The following SZT2 variants were observed in gnomAD, a reference collection of about 807,000 sequenced individuals.
SZT2 encodes SZT2 subunit of KICSTOR complex.
A neutral mutation model predicts 404.2 loss-of-function variants in SZT2; 216 were observed. The observed-to-expected ratio is 0.53, with a 90% CI of 0.48 to 0.60. SZT2 has a LOEUF of 0.60. Ranked by LOEUF, SZT2 falls within the 20% of genes least tolerant of loss-of-function variation. The pLI, the probability that SZT2 is intolerant of heterozygous loss-of-function variation, is 0.00. For synonymous variants in SZT2, 1,693 were observed against 1,749.9 expected, an observed-to-expected ratio of 0.97 and a Z score of 0.81; for missense variants, 3,857 against 4,459.2, an observed-to-expected ratio of 0.86 and a Z score of 3.85.
Position 43,447,585 on chromosome 1 carries a change from G to A in SZT2, c.9327G>A (p.Gln3109=). 1 of 1,614,150 alleles carries A rather than the reference G, an allele frequency of 6.2e-7. No homozygotes were observed. Among genetic ancestry groups the A allele is most frequent in the Non-Finnish European group, 8.5e-7 (1 of 1,180,030 alleles). The stretch of plus-strand genomic sequence containing the variant: ...CCACACCACTCATTGCTGCCCACCA[G>A]CTATACAACTACGTGGCTGATCACG... ...ELPTPLIAAH[Q]LYNYVADHAS... Residue 3109 remains glutamine, a synonymous_variant, in exon 67 of 72, where the codon CAG becomes CAA. Coordinates refer to ENST00000634258, the MANE Select transcript of SZT2 (RefSeq NM_001365999.1).
chr1:43,398,493 A>G (rs373402023), intron 1 of SZT2, among the ~76,000 whole-genome samples: 2 of 152,206 alleles, frequency 1.3e-5, no homozygotes, highest in Non-Finnish European at 2.9e-5. Flanking sequence ...TCTCTTGTAC[A>G]TGCTTTTTTA....
intron 4 of SZT2, 29 bp downstream of exon 4, chr1:43,404,579 C>A: frequency 6.3e-7 from 1 of 1,597,028 alleles, no homozygotes; most frequent in South Asian, 1.1e-5. Context: ...AAGTTTGTAC[C>A]CTCAGACCAA....
intron 42 of SZT2, 117 bp downstream of exon 42, chr1:43,435,446 A>T: frequency 1.7e-6 from 2 of 1,185,234 alleles, no homozygotes; most frequent in Middle Eastern, 2.8e-4. Context: ...AGTGCCAAGT[A>T]CTAGAGAGAG....
chr1:43,453,855 G>T lies in SZT2; in HGVS notation c.*3375G>T, dbSNP rs1656750724. On this transcript the variant is annotated 3_prime_UTR_variant, in exon 72 of 72. Coordinates refer to ENST00000634258, the MANE Select transcript of SZT2 (RefSeq NM_001365999.1). ...CCAAAGGCGGCGGGCGGCGGGCGGC[G>T]GGCGGCGGGCGGGGGCGGGGCTCTC... is the stretch of plus-strand genomic sequence containing the variant. 8.1e-7 allele frequency: 1 copy of T among 1,231,326 alleles called. No homozygotes were observed. The highest frequency in any genetic ancestry group is 1.6e-5 in the African/African-American group (1 of 63,562). 76.3% of individuals were successfully genotyped at this position (1,231,326 alleles called of 1,614,324 possible). A position where few individuals can be genotyped will look rare whatever the true frequency, so the allele number is the denominator to read the frequency against.
chr1:43,424,782 A>C lies in SZT2; in HGVS notation c.2472-2A>C. The C allele has an allele frequency of 6.2e-7, 1 of 1,613,932 alleles. No homozygotes were observed. Among genetic ancestry groups the C allele is most frequent in the Non-Finnish European group, 8.5e-7 (1 of 1,179,834 alleles). The stretch of plus-strand genomic sequence containing the variant: ...CTTGCCCCGGCCTTTATGGGGCTTC[A>C]GAGTCCGACTTTCTGAAGGATTCCA... On this transcript the variant is annotated splice_acceptor_variant, in intron 16 of 71. Coordinates refer to ENST00000634258, the MANE Select transcript of SZT2 (RefSeq NM_001365999.1). LOFTEE classifies it high-confidence loss of function. This position sits in a 1 kb window ranked among gnomAD's most constrained non-coding sequence, Gnocchi z 4.1.
chr1:43,438,883 C>A (rs754341819), intron 47 of SZT2, 46 bp from the exon 48 acceptor site: 1 of 1,613,368 alleles, frequency 6.2e-7, no homozygotes, highest in Admixed American at 1.7e-5. Context: ...ACAGTCTAGG[C>A]TGGAACTTCT....
chr1:43,424,183 A>C lies in SZT2; in HGVS notation c.2256-34A>C. The C allele has an allele frequency of 1.3e-6, 2 of 1,573,856 alleles. No individual in the cohort carries two copies. The highest frequency in any genetic ancestry group is 1.7e-6 in the Non-Finnish European group (2 of 1,162,166). On this transcript the variant is annotated intron_variant, in intron 15 of 71. Coordinates refer to ENST00000634258, the MANE Select transcript of SZT2 (RefSeq NM_001365999.1). The surrounding 1 kb of genome is among the most constrained non-coding windows in gnomAD (Gnocchi z 4.1). ...GAAGGGCGTGGCTTAGCCGGGGATG[A>C]GAGAGATAGCTGGGGAGTTGTCCCA...
chr1:43,393,648 A>T (rs1648664919), intron 1 of SZT2, among the ~76,000 whole-genome samples: 3 of 152,326 alleles, frequency 2.0e-5, no homozygotes, highest in Admixed American at 2.0e-4. Flanking sequence ...TTAACAAAAG[A>T]CAGCACAAGG....
Position 43,438,693 on chromosome 1 carries a change from G to A in SZT2, c.6509-6G>A. 1.2e-6 allele frequency: 2 copies of A among 1,613,780 alleles called. No homozygotes were observed. The highest frequency in any genetic ancestry group is 2.2e-5 in the South Asian group (2 of 91,000). On this transcript the variant is annotated splice_region_variant and splice_polypyrimidine_tract_variant and intron_variant, in intron 46 of 71. Transcript: ENST00000634258. ...GTCCCCACCTTCCCACCATGGCTGTGTCAAGGTCCTGAGATCACGGATGAG... is the reference window on the plus strand; with the variant it reads ...GTCCCCACCTTCCCACCATGGCTGTATCAAGGTCCTGAGATCACGGATGAG...
At position 43,441,553 on chromosome 1, in the gene SZT2, G is replaced by A. The variant is rs1435867012; in HGVS notation, c.7561G>A (p.Val2521Met). The A allele has an allele frequency of 6.2e-7, 1 of 1,614,186 alleles. No individual in the cohort carries two copies. The highest frequency in any genetic ancestry group is 8.5e-7 in the Non-Finnish European group (1 of 1,180,028). ...GGGTGAGGTGGGGACCCTTCATCCTGTGTTTGCCCGTGTTGCTCAGCGCTG... is the reference window on the plus strand; with the variant it reads ...GGGTGAGGTGGGGACCCTTCATCCTATGTTTGCCCGTGTTGCTCAGCGCTG... ...EEGEVGTLHP[V>M]FARVAQRWME... The change falls in exon 54 of 72, where the codon GTG becomes ATG. Residue 2521 changes from valine (V) to methionine (M), a missense_variant. By Grantham distance (21) the Val-to-Met change is conservative. Coordinates refer to ENST00000634258, the MANE Select transcript of SZT2 (RefSeq NM_001365999.1). This position sits in a 1 kb window ranked among gnomAD's most constrained non-coding sequence, Gnocchi z 4.8.
Position 43,432,715 on chromosome 1 carries a change from C to T in SZT2, c.5531-13C>T. 1 of 1,613,944 alleles carries T rather than the reference C, an allele frequency of 6.2e-7. No homozygotes were observed. Among genetic ancestry groups the T allele is most frequent in the Non-Finnish European group, 8.5e-7 (1 of 1,179,916 alleles). ...ATTGAGAGAGGCTCCAGGCATTTTC[C>T]TTCTCTATCCAGGGAGTCAGCCTGG... On this transcript the variant is annotated splice_polypyrimidine_tract_variant and intron_variant, in intron 38 of 71. Coordinates refer to ENST00000634258, the MANE Select transcript of SZT2 (RefSeq NM_001365999.1).
intron 24 of SZT2, 34 bp downstream of exon 24, chr1:43,427,213 A>G (rs1653264062): frequency 6.2e-7 from 1 of 1,610,710 alleles, no homozygotes; most frequent in South Asian, 1.1e-5. Flanking sequence ...GAACCCCCTC[A>G]GATACAAACC....
Position 43,422,588 on chromosome 1 carries a change from C to T in SZT2, c.1878C>T (p.Ser626=), listed in dbSNP as rs778756626. Residue 626 remains serine, a synonymous_variant, in exon 13 of 72, where the codon AGC becomes AGT. Transcript: ENST00000634258. ...SLTSLLRDWS[S]FVLVEGYSYV... The stretch of plus-strand genomic sequence containing the variant: ...CCTCTCTGCTGCGGGACTGGAGCAG[C>T]TTCGTACTAGTCGAGGGCTATTCTT... 2 of 1,598,052 alleles carry T rather than the reference C, an allele frequency of 1.3e-6. No homozygotes were observed.
In SZT2 at chr1:43,430,028, C is replaced by G; in HGVS notation, c.4326C>G (p.Ile1442Met). ...HSVIQEKFLE[I>M]SRLHFRTVPS... Reference sequence around the variant, plus strand: ...CACAACAGGAGAAGTTCCTAGAGATCAGTCGTCTCCACTTCCGCACAGTGC... The same window carrying G: ...CACAACAGGAGAAGTTCCTAGAGATGAGTCGTCTCCACTTCCGCACAGTGC... Residue 1442 changes from isoleucine to methionine, a missense_variant, in exon 30 of 72, where the codon ATC becomes ATG. Physicochemically the swap from Ile to Met is conservative, Grantham distance 10. Coordinates refer to ENST00000634258, the MANE Select transcript of SZT2 (RefSeq NM_001365999.1). The G allele has an allele frequency of 6.2e-7, 1 of 1,614,172 alleles. No individual in the cohort carries two copies. The highest frequency in any genetic ancestry group is 8.5e-7 in the Non-Finnish European group (1 of 1,180,034).
At chr1:43,395,921 T>A (rs974664636) in intron 1 of SZT2, among the ~76,000 whole-genome samples, 2 of 152,186 alleles carry the variant, frequency 1.3e-5, no homozygotes, top group Admixed American at 6.5e-5. Context: ...AGAGATTTAG[T>A]AGAAGAAGAA....
intron 42 of SZT2, chr1:43,436,483 C>G (rs1654470435): frequency 6.6e-6 from 1 of 152,268 alleles, no homozygotes; most frequent in Admixed American, 6.5e-5. Flanking sequence ...CAGAATTTTT[C>G]CCTGAAACCC....
chr1:43,414,957 T>C (rs1651525359), intron 4 of SZT2, 125 bp from the exon 5 acceptor site: 7 of 1,255,196 alleles, frequency 5.6e-6, no homozygotes, highest in Non-Finnish European at 7.5e-6. Flanking sequence ...AGTCATACCT[T>C]AGACCCTGGT....
intron 1 of SZT2, among the ~76,000 whole-genome samples, chr1:43,395,355 T>C (rs1648871764): frequency 6.6e-6 from 1 of 152,058 alleles, no homozygotes; most frequent in Non-Finnish European, 1.5e-5. Flanking sequence ...TGGAGTGCAG[T>C]GGTATGATCA....
Position 43,440,526 on chromosome 1 carries a change from C to G in SZT2, c.7284C>G (p.Val2428=). Residue 2428 remains valine (V), a synonymous_variant, in exon 52 of 72, where the codon GTC becomes GTG. Coordinates refer to ENST00000634258, the MANE Select transcript of SZT2 (RefSeq NM_001365999.1). ...GRASTFPPAP[V]PGEPVTPPSK... ...CTAGCACCTTTCCCCCTGCCCCTGTCCCTGGGGAGCCTGTGACTCCACCCA... is the reference window on the plus strand; with the variant it reads ...CTAGCACCTTTCCCCCTGCCCCTGTGCCTGGGGAGCCTGTGACTCCACCCA... The G allele has an allele frequency of 1.2e-6, 2 of 1,608,542 alleles. No individual in the cohort carries two copies. The highest frequency in any genetic ancestry group is 1.7e-6 in the Non-Finnish European group (2 of 1,177,520).
Sources: allele counts gnomAD v4.1 joint callset (sites outside exome capture counted in the v4.1 genomes callset), GRCh38; gene constraint gnomAD v4.1.1; non-coding constraint Gnocchi (gnomAD v3.1); transcripts MANE v1.5; gene names NCBI Gene and HGNC (gene_info 2026-07-23, HGNC 2026-07-21).